The following MDN1 variants were observed in gnomAD, a reference collection of about 807,000 sequenced individuals.
MDN1 encodes midasin.
A neutral mutation model predicts 669.2 loss-of-function variants in MDN1; 266 were observed. The ratio of observed to expected loss-of-function variants is 0.40; its 90% CI spans 0.36 to 0.44. MDN1 has a LOEUF of 0.44. Ranked by LOEUF, MDN1 falls within the 20% of genes least tolerant of loss-of-function variation. The pLI is 1.00. For missense variants in MDN1, 5,940 were observed against 6,754.0 expected, an observed-to-expected ratio of 0.88 and a Z score of 4.22; for synonymous variants, 2,385 against 2,457.1, an observed-to-expected ratio of 0.97 and a Z score of 0.87.
At position 89,662,873 on chromosome 6, in the gene MDN1, C is replaced by G. The variant is rs763844465; in HGVS notation, c.14331G>C (p.Arg4777Ser). The G allele has an allele frequency of 1.9e-6, 3 of 1,613,892 alleles. No homozygotes were observed. The African/African-American group carries it at 4.0e-5, about 22-fold the overall frequency. ...NGEEADKLDE[R>S]LWGDDDEEED... ...CCTCCTCATCATCATCACCCCAAAGCCTCTCATCTAGTTTGTCAGCTTCCT... is the reference window on the plus strand; with the variant it reads ...CCTCCTCATCATCATCACCCCAAAGGCTCTCATCTAGTTTGTCAGCTTCCT... Residue 4777 changes from arginine to serine, a missense_variant, in exon 86 of 102, where the codon AGG (arginine) becomes AGC (serine). Physicochemically the swap from Arg to Ser is moderately radical, Grantham distance 110 (BLOSUM62 -1). Transcript: ENST00000369393.
chr6:89,791,904 G>T (rs368184439), intron 5 of MDN1, among the ~76,000 whole-genome samples: 1 of 120,738 alleles, frequency 8.3e-6, no homozygotes. Flanking sequence ...TTTTGAGACA[G>T]AGTCTCACTC....
chr6:89,700,264 C>T lies in MDN1; in HGVS notation c.8669G>A (p.Cys2890Tyr). ...DELKNFVHAQ[C>Y]LELKAKGLSL... Reference sequence around the variant, plus strand: ...GAGTCCTTTGGCTTTCAGTTCTAAACACTGAGCATGCACAAAATTCTTCAA... The same window carrying T: ...GAGTCCTTTGGCTTTCAGTTCTAAATACTGAGCATGCACAAAATTCTTCAA... Residue 2890 changes from cysteine to tyrosine, a missense_variant, in exon 57 of 102, where the codon TGT becomes TAT. Around this residue, in one of 5 missense-constraint regions of MDN1, gnomAD observed 2,292 missense variants for 2,638.3 expected, o/e 0.87. Coordinates refer to ENST00000369393, the MANE Select transcript of MDN1 (RefSeq NM_014611.3). The T allele has an allele frequency of 1.9e-6, 3 of 1,614,162 alleles. No individual in the cohort carries two copies. Among genetic ancestry groups the T allele is most frequent in the Non-Finnish European group, 2.5e-6 (3 of 1,180,008 alleles).
In MDN1 at chr6:89,690,697, T is replaced by C. The variant is rs74577567; in HGVS notation, c.10725A>G (p.Arg3575=). 1.2e-3 allele frequency: 1,977 copies of C among 1,614,136 alleles called. 27 individuals carry two copies. The East Asian group carries it at 0.035, about 29-fold the overall frequency. The change falls in exon 64 of 102, where the codon AGA becomes AGG. Residue 3575 remains arginine, a synonymous_variant. Transcript: ENST00000369393. ...SEEEEEEREF[R]KQFPLHEKDF... ...CCTTTTCATGCAGGGGGAACTGTTTTCTGAACTCCCGTTCTTCCTCCTCCT... is the reference window on the plus strand; with the variant it reads ...CCTTTTCATGCAGGGGGAACTGTTTCCTGAACTCCCGTTCTTCCTCCTCCT...
chr6:89,743,351 G>C, intron 30 of MDN1, 71 bp from the exon 31 acceptor site: 1 of 1,580,250 alleles, frequency 6.3e-7, no homozygotes, highest in Non-Finnish European at 8.7e-7. Context: ...CAGCTGGCTG[G>C]TGTTTCCAGG....
At chr6:89,775,173 A>T (rs569371915) in intron 12 of MDN1, among the ~76,000 whole-genome samples, 1 of 152,294 alleles carries the variant, frequency 6.6e-6, no homozygotes, top group South Asian at 2.1e-4. Context: ...CTGGATGTCT[A>T]CCCAACAGCC....
chr6:89,777,812 T>C (rs1272205519), intron 11 of MDN1, among the ~76,000 whole-genome samples: 1 of 151,808 alleles, frequency 6.6e-6, no homozygotes, highest in Non-Finnish European at 1.5e-5. Flanking sequence ...TCCCTATGAG[T>C]TCATCCCCAA....
intron 53 of MDN1, among the ~76,000 whole-genome samples, chr6:89,704,225 AC>A: frequency 6.6e-6 from 1 of 152,142 alleles, no homozygotes; most frequent in Admixed American, 6.5e-5. Context: ...CACTAAAAAT[AC>A]AAAAATTACC....
At chr6:89,699,096 G>T in intron 58 of MDN1, 61 bp from the exon 59 acceptor site, 1 of 1,429,588 alleles carries the variant, frequency 7.0e-7, no homozygotes, top group Non-Finnish European at 9.6e-7. Context: ...AAATTATTAG[G>T]TCTTCTTTCT....
At position 89,718,855 on chromosome 6, in the gene MDN1, A is replaced by G. The variant is rs775945138; in HGVS notation, c.6233T>C (p.Leu2078Pro). 1 of 1,614,184 alleles carries G rather than the reference A, an allele frequency of 6.2e-7. No homozygotes were observed. Among genetic ancestry groups the G allele is most frequent in the Non-Finnish European group, 8.5e-7 (1 of 1,180,040 alleles). ...TGTGTGGCCAGTAAGGTGTGCCAGAAGCTGGACCAGGCTGGTCTTGCCCAC... is the reference window on the plus strand; with the variant it reads ...TGTGTGGCCAGTAAGGTGTGCCAGAGGCTGGACCAGGCTGGTCTTGCCCAC... Reference protein sequence around the residue: ...ASVGKTSLVQLLAHLTGHTLK... With the variant: ...ASVGKTSLVQPLAHLTGHTLK... The change falls in exon 42 of 102, where the codon CTT becomes CCT. Residue 2078 changes from leucine to proline, a missense_variant. Transcript: ENST00000369393.
intron 8 of MDN1, among the ~76,000 whole-genome samples, chr6:89,786,855 G>A (rs1029246963): frequency 2.7e-5 from 4 of 148,738 alleles, no homozygotes; most frequent in African/African-American, 7.5e-5. Context: ...AACCCAGGAG[G>A]TGGAGGTTGC....
chr6:89,649,967 GGAA>G lies in MDN1; in HGVS notation c.16206+54_16206+56del, dbSNP rs985308929. Reference sequence around the variant, plus strand: ...TATTTAAAGCATTTTGGTGGCCCATGGAACATAGCTTGATGTTAATTTCCTATC... The same window carrying G: ...TATTTAAAGCATTTTGGTGGCCCATGCATAGCTTGATGTTAATTTCCTATC... On this transcript the variant is annotated intron_variant, in intron 97 of 101. Coordinates refer to ENST00000369393, the MANE Select transcript of MDN1 (RefSeq NM_014611.3). 3.2e-5 allele frequency: 50 copies of G among 1,576,744 alleles called. 1 individual carries two copies. The Middle Eastern group carries it at 6.7e-4, about 21-fold the overall frequency.
chr6:89,683,897 A>C lies in MDN1; in HGVS notation c.11837T>G (p.Val3946Gly). The change falls in exon 72 of 102, where the codon GTT becomes GGT. Residue 3946 changes from valine (V) to glycine (G), a missense_variant. Val to Gly is a moderately radical substitution (Grantham distance 109, BLOSUM62 -3). Transcript: ENST00000369393. ...GACATCATTCCACTTGGAAATCTTA[A>C]CAAATTCCTGTAAGATAAATGATGT... ...SPLEKELKEF[V>G]KISKWNDVSF... 1.2e-6 allele frequency: 2 copies of C among 1,611,386 alleles called. No homozygotes were observed. The highest frequency in any genetic ancestry group is 8.5e-7 in the Non-Finnish European group (1 of 1,177,830).
intron 84 of MDN1, among the ~76,000 whole-genome samples, chr6:89,666,310 G>T (rs1027253218): frequency 4.6e-5 from 7 of 152,134 alleles, no homozygotes; most frequent in Non-Finnish European, 1.0e-4. Context: ...CTCTTGTCCA[G>T]GCTGTAGTGC....
chr6:89,659,420 G>A (rs1305259913), intron 88 of MDN1, among the ~76,000 whole-genome samples: 1 of 152,156 alleles, frequency 6.6e-6, no homozygotes, highest in Non-Finnish European at 1.5e-5. Flanking sequence ...TATATTCTGT[G>A]TTTACCCCAT....
At chr6:89,771,750 C>A (rs1818090061) in intron 14 of MDN1, 129 bp from the exon 15 acceptor site, 6 of 780,466 alleles carry the variant, frequency 7.7e-6, no homozygotes, top group Non-Finnish European at 1.2e-5. Flanking sequence ...GTTCTGTCAA[C>A]CAGGGTGGAG....
rs1562036325 is a variant in MDN1 at position 89,653,145 on chromosome 6, C to T, written c.15672G>A (p.Glu5224=). Residue 5224 remains glutamate, a synonymous_variant, in exon 94 of 102, where the codon GAG becomes GAA. Coordinates refer to ENST00000369393, the MANE Select transcript of MDN1 (RefSeq NM_014611.3). ...TAACAGTTTGGATCTCCACTTCCAT[C>T]TCATCAAAGCCTATTTTCATTTAAG... The part of the protein sequence containing the change: ...SGTTAPLGFD[E]MEVEIQTVKT... 6.2e-7 allele frequency: 1 copy of T among 1,609,728 alleles called. No individual in the cohort carries two copies. The highest frequency in any genetic ancestry group is 1.7e-5 in the Admixed American group (1 of 58,768).
In MDN1 at chr6:89,809,785, A is replaced by AAAT. The variant is rs1230096730; in HGVS notation, c.103-6234_103-6232dup. 1.3e-3 allele frequency among the ~76,000 whole-genome samples: 11 copies of AAAT among 8,434 alleles called. No homozygotes were observed. The Admixed American group carries it at 0.018, about 14-fold the overall frequency. The allele number at this position is 8,434 out of a possible 152,430, so 5.5% of individuals were successfully genotyped here. A position where few individuals can be genotyped will look rare whatever the true frequency, so the allele number is the denominator to read the frequency against. On this transcript the variant is annotated intron_variant, in intron 1 of 101. Transcript: ENST00000369393. Reference sequence around the variant, plus strand: ...AGCAAGACTCCCTCTCAAAATAAATAAATAAAATAAAATAAAATAAAATAA... The same window carrying AAAT: ...AGCAAGACTCCCTCTCAAAATAAATAAATAATAAAATAAAATAAAATAAAATAA...
At chr6:89,675,317 G>A (rs1473767286) in intron 78 of MDN1, 147 bp downstream of exon 78, 1 of 657,410 alleles carries the variant, frequency 1.5e-6, no homozygotes, top group East Asian at 2.8e-5. Context: ...GCAGAGCTGG[G>A]AGAAACCCTA....
At chr6:89,800,801 A>T (rs1767601622) in intron 2 of MDN1, among the ~76,000 whole-genome samples, 1 of 151,866 alleles carries the variant, frequency 6.6e-6, no homozygotes, top group Non-Finnish European at 1.5e-5. Flanking sequence ...ATGATGAGAT[A>T]CTCTTGTGGG....
Sources: allele counts gnomAD v4.1 joint callset (sites outside exome capture counted in the v4.1 genomes callset), GRCh38; gene constraint gnomAD v4.1.1; regional missense constraint gnomAD v4.1.1; transcripts MANE v1.5; gene names NCBI Gene and HGNC (gene_info 2026-07-23, HGNC 2026-07-21).